Variants in PIGO observed in about 807,000 individuals in gnomAD.
The protein encoded by PIGO is phosphatidylinositol glycan anchor biosynthesis class O, also known as GPI ethanolamine phosphate transferase 3, catalytic subunit.
PIGO carries 66 observed loss-of-function variants against 86.9 expected under a neutral mutation model. The ratio of observed to expected loss-of-function variants is 0.76; its 90% CI spans 0.62 to 0.93. PIGO has a LOEUF of 0.93. Among genes scored for constraint, PIGO ranks in the 40% least tolerant of loss-of-function variants. The pLI, the probability that PIGO is intolerant of heterozygous loss-of-function variation, is 0.00. For missense variants in PIGO, 1,202 were observed against 1,359.1 expected, an observed-to-expected ratio of 0.88 and a Z score of 1.82; for synonymous variants, 570 against 556.4, an observed-to-expected ratio of 1.02 and a Z score of -0.34.
At chr9:35,089,925 T>C in intron 9 of PIGO, 141 bp downstream of exon 9, 5 of 1,440,006 alleles carry the variant, frequency 3.5e-6, no homozygotes, top group Non-Finnish European at 4.6e-6. Context: ...GAACTGCCAT[T>C]TGAGGCCACT....
rs375682284 is a variant in PIGO at position 35,095,202 on chromosome 9, G to A, written c.364C>T (p.Arg122Ter). Residue 122 changes from arginine to a stop codon, truncating the protein, a stop_gained, in exon 2 of 11, where the codon CGA (arginine) becomes TGA (stop). Transcript: ENST00000378617. LOFTEE classifies it high-confidence loss of function. Reference sequence around the variant, plus strand: ...GTGGTAGGAGGGTCAACCTGAGATCGGTAGAGCCGGGCATGGTGGGGCTGA... The same window carrying A: ...GTGGTAGGAGGGTCAACCTGAGATCAGTAGAGCCGGGCATGGTGGGGCTGA... ...EIQPHHARLY[R>*]SQVDPPTTTM... 5.6e-5 allele frequency: 91 copies of A among 1,614,072 alleles called. No individual in the cohort carries two copies. The highest frequency in any genetic ancestry group is 3.3e-4 in the Middle Eastern group (2 of 6,084).
Position 35,091,243 on chromosome 9 carries a change from G to T in PIGO, c.2644C>A (p.Pro882Thr). 1 of 1,586,548 alleles carries T rather than the reference G, an allele frequency of 6.3e-7. No homozygotes were observed. Residue 882 changes from proline (P) to threonine (T), a missense_variant, in exon 7 of 11, where the codon CCT becomes ACT. Transcript: ENST00000378617. ...LLAAGIPVTT[P>T]GPFTVPWQAV... ...GAATCAGAGCTGAGATATTTACCAGGGGTGGTGACGGGTATCCCAGCAGCA... is the reference window on the plus strand; with the variant it reads ...GAATCAGAGCTGAGATATTTACCAGTGGTGGTGACGGGTATCCCAGCAGCA...
Position 35,090,231 on chromosome 9 carries a change from C to T in PIGO, c.2904G>A (p.Gly968=). ...CTGGGGGCTGCTGTCTCTTCCGCAG[C>T]CCTTGACTCTCACACAGGAAAGGCC... is the stretch of plus-strand genomic sequence containing the variant. ...LLWPFLCESQ[G]LRKRQQPPGN... is the part of the protein sequence containing the mutation. Residue 968 remains glycine, a synonymous_variant, in exon 9 of 11, where the codon GGG becomes GGA. Coordinates refer to ENST00000378617, the MANE Select transcript of PIGO (RefSeq NM_032634.4). 9.9e-6 allele frequency: 16 copies of T among 1,614,184 alleles called. No homozygotes were observed. The highest frequency in any genetic ancestry group is 1.4e-5 in the Non-Finnish European group (16 of 1,180,032).
Position 35,089,228 on chromosome 9 carries a change from A to C in PIGO, c.3141-7T>G. 6.2e-7 allele frequency: 1 copy of C among 1,614,226 alleles called. No homozygotes were observed. Among genetic ancestry groups the C allele is most frequent in the Non-Finnish European group, 8.5e-7 (1 of 1,180,040 alleles). ...CACAGCCTCAAATATGAACCTGCAAAGAAAGGCGGAGAATCTCAGGCAACA... is the reference window on the plus strand; with the variant it reads ...CACAGCCTCAAATATGAACCTGCAACGAAAGGCGGAGAATCTCAGGCAACA... On this transcript the variant is annotated splice_polypyrimidine_tract_variant and splice_region_variant and intron_variant, in intron 10 of 10. Coordinates refer to ENST00000378617, the MANE Select transcript of PIGO (RefSeq NM_032634.4).
In PIGO at chr9:35,092,291, G is replaced by A. The variant is rs528481641; in HGVS notation, c.1596C>T (p.Gly532=). 1 of 1,614,186 alleles carries A rather than the reference G, an allele frequency of 6.2e-7. No individual in the cohort carries two copies. Among genetic ancestry groups the A allele is most frequent in the African/African-American group, 1.3e-5 (1 of 75,042 alleles). ...FLPFLWKAWA[G]WGSKRPLATL... ...TTGCCAGGGGCCTCTTGGACCCCCAGCCAGCCCAGGCTTTCCACAGAAAAG... is the reference window on the plus strand; with the variant it reads ...TTGCCAGGGGCCTCTTGGACCCCCAACCAGCCCAGGCTTTCCACAGAAAAG... The change falls in exon 7 of 11, where the codon GGC becomes GGT. Residue 532 remains glycine (G), a synonymous_variant. Transcript: ENST00000378617.
Position 35,089,039 on chromosome 9 carries a change from T to C in PIGO, c.*53A>G. 6.2e-7 allele frequency: 1 copy of C among 1,611,290 alleles called. No individual in the cohort carries two copies. The highest frequency in any genetic ancestry group is 8.5e-7 in the Non-Finnish European group (1 of 1,178,920). ...CATCCAGTACCTGTACAGGCCAGGCTACACTGTTCTCAAGCACTCTCTGTA... is the reference window on the plus strand; with the variant it reads ...CATCCAGTACCTGTACAGGCCAGGCCACACTGTTCTCAAGCACTCTCTGTA... On this transcript the variant is annotated 3_prime_UTR_variant, in exon 11 of 11. Transcript: ENST00000378617.
In PIGO at chr9:35,095,471, C is replaced by T. The variant is rs550039576; in HGVS notation, c.95G>A (p.Arg32His). 1.1e-5 allele frequency: 17 copies of T among 1,613,494 alleles called. No individual in the cohort carries two copies. The highest frequency in any genetic ancestry group is 1.4e-5 in the Non-Finnish European group (16 of 1,179,874). ...ALFTSGFLLT[R>H]LELTNHSSCQ... ...GCTGCTATGGTTGGTGAGCTCCAAA[C>T]GGGTGAGCAGGAAGCCACTGGTGAA... Residue 32 changes from arginine to histidine, a missense_variant, in exon 2 of 11, where the codon CGT becomes CAT. Transcript: ENST00000378617.
chr9:35,089,944 G>A (rs1028474477), intron 9 of PIGO, 122 bp downstream of exon 9: 1 of 1,462,724 alleles, frequency 6.8e-7, no homozygotes, highest in Non-Finnish European at 9.1e-7. Context: ...CTGGGCTTGG[G>A]CAACCACTTC....
In PIGO at chr9:35,088,973, C is replaced by G. The variant is rs541010481; in HGVS notation, c.*119G>C. On this transcript the variant is annotated 3_prime_UTR_variant, in exon 11 of 11. Transcript: ENST00000378617. ...AGTCCTAGATGTCAGCGGCCCCTGG[C>G]TGCATGATAGTAAGAGTATGGCTGA... is the stretch of plus-strand genomic sequence containing the variant. The G allele has an allele frequency of 2.1e-6, 3 of 1,398,882 alleles. No homozygotes were observed. The highest frequency in any genetic ancestry group is 2.9e-6 in the Non-Finnish European group (3 of 1,026,422). 86.7% of individuals were successfully genotyped at this position (1,398,882 alleles called of 1,614,324 possible).
intron 7 of PIGO, 67 bp downstream of exon 7, chr9:35,091,173 T>G: frequency 6.7e-7 from 1 of 1,483,654 alleles, no homozygotes; most frequent in East Asian, 2.3e-5. Context: ...CAACACCTCC[T>G]TGAAAACAAG....
chr9:35,096,237 C>G lies in PIGO; in HGVS notation c.-84G>C, dbSNP rs565988748. 2 of 152,290 alleles carry G rather than the reference C, an allele frequency of 1.3e-5. No individual in the cohort carries two copies. Among genetic ancestry groups the G allele is most frequent in the East Asian group, 3.9e-4 (2 of 5,154 alleles). The allele number at this position is 152,290 out of a possible 1,614,324, so 9.4% of individuals were successfully genotyped here. A position where few individuals can be genotyped will look rare whatever the true frequency, so the allele number is the denominator to read the frequency against. Reference sequence around the variant, plus strand: ...AGCCGCAGGGGAATCCGGGCCCAGCCGACGGCGCCGCCTGGCGGGCACCGA... The same window carrying G: ...AGCCGCAGGGGAATCCGGGCCCAGCGGACGGCGCCGCCTGGCGGGCACCGA... On this transcript the variant is annotated 5_prime_UTR_variant, in exon 1 of 11. Coordinates refer to ENST00000378617, the MANE Select transcript of PIGO (RefSeq NM_032634.4).
rs756670230 is a variant in PIGO, at chr9:35,092,539, G to A, written c.1348C>T (p.Arg450Cys). 1.8e-5 allele frequency: 29 copies of A among 1,614,198 alleles called. No individual in the cohort carries two copies. Among genetic ancestry groups the A allele is most frequent in the Middle Eastern group, 1.6e-4 (1 of 6,062 alleles). The change falls in exon 7 of 11, where the codon CGC becomes TGC. Residue 450 changes from arginine to cysteine, a missense_variant. Transcript: ENST00000378617. Reference protein sequence around the residue: ...IESWARFSLVRMAGGTALLAA... With the variant: ...IESWARFSLVCMAGGTALLAA... ...AAGAGAGCAGTACCCCCCGCCATGC[G>A]GACCAGAGAGAAACGAGCCCAAGAC...
Position 35,092,772 on chromosome 9 carries a change from C to G in PIGO, c.1120-5G>C, listed in dbSNP as rs1829493650. The G allele has an allele frequency of 6.3e-7, 1 of 1,599,160 alleles. No homozygotes were observed. On this transcript the variant is annotated splice_polypyrimidine_tract_variant and splice_region_variant and intron_variant, in intron 6 of 10. Transcript: ENST00000378617. ...GGTATGAAGAAATCGGGACACCTGG[C>G]AGAGAAAAGGTCAGAGGCCAAGGGG... is the stretch of plus-strand genomic sequence containing the variant.
Position 35,093,890 on chromosome 9 carries a change from C to A in PIGO, c.779+11G>T. The stretch of plus-strand genomic sequence containing the variant: ...ACAAACCCACTCCCCCAGCCAATAC[C>A]CCACACTCACTGGATCACCTGGTCC... On this transcript the variant is annotated intron_variant, in intron 4 of 10. Transcript: ENST00000378617. 1 of 1,613,738 alleles carries A rather than the reference C, an allele frequency of 6.2e-7. No individual in the cohort carries two copies. Among genetic ancestry groups the A allele is most frequent in the Non-Finnish European group, 8.5e-7 (1 of 1,179,834 alleles).
At position 35,095,418 on chromosome 9, in the gene PIGO, G is replaced by A; in HGVS notation, c.148C>T (p.Leu50=). Residue 50 remains leucine, a synonymous_variant, in exon 2 of 11, where the codon CTG becomes TTG. Coordinates refer to ENST00000378617, the MANE Select transcript of PIGO (RefSeq NM_032634.4). ...SCQEPPGPGS[L]PWGSQGKPGA... ...GGTTTCCCTTGGCTCCCCCATGGCA[G>A]GGACCCAGGGCCTGGGGGCTCTTGG... The A allele has an allele frequency of 6.2e-7, 1 of 1,614,132 alleles. No homozygotes were observed. The highest frequency in any genetic ancestry group is 8.5e-7 in the Non-Finnish European group (1 of 1,180,012).
rs1315191110 is a variant in PIGO, at chr9:35,095,500, G to C, written c.66C>G (p.Ala22=). Residue 22 remains alanine (A), a synonymous_variant, in exon 2 of 11, where the codon GCC becomes GCG. Transcript: ENST00000378617. The stretch of plus-strand genomic sequence containing the variant: ...TGAGCAGGAAGCCACTGGTGAAGAG[G>C]GCAATGCCAGCGTAGAAGAGGAAGC... ...WVCFLFYAGI[A]LFTSGFLLTR... is the part of the protein sequence containing the mutation. The C allele has an allele frequency of 4.3e-6, 7 of 1,611,166 alleles. No individual in the cohort carries two copies. The highest frequency in any genetic ancestry group is 5.1e-6 in the Non-Finnish European group (6 of 1,178,486).
In PIGO at chr9:35,091,239, C is replaced by A; in HGVS notation, c.2647+1G>T. 1 of 1,583,060 alleles carries A rather than the reference C, an allele frequency of 6.3e-7. No individual in the cohort carries two copies. Among genetic ancestry groups the A allele is most frequent in the Non-Finnish European group, 8.6e-7 (1 of 1,164,210 alleles). On this transcript the variant is annotated splice_donor_variant, in intron 7 of 10. Transcript: ENST00000378617. LOFTEE classifies it high-confidence loss of function. ...AAGTGAATCAGAGCTGAGATATTTACCAGGGGTGGTGACGGGTATCCCAGC... is the reference window on the plus strand; with the variant it reads ...AAGTGAATCAGAGCTGAGATATTTAACAGGGGTGGTGACGGGTATCCCAGC...
At position 35,092,753 on chromosome 9, in the gene PIGO, A is replaced by C; in HGVS notation, c.1134T>G (p.Leu378=). 1 of 1,606,366 alleles carries C rather than the reference A, an allele frequency of 6.2e-7. No homozygotes were observed. The highest frequency in any genetic ancestry group is 8.5e-7 in the Non-Finnish European group (1 of 1,177,588). The part of the protein sequence containing the change: ...HLNAQQVSRF[L]HTYSAATQDL... ...CCTGAGTAGCAGCTGAGTAGGTATG[A>C]AGAAATCGGGACACCTGGCAGAGAA... Residue 378 remains leucine, a synonymous_variant, in exon 7 of 11, where the codon CTT becomes CTG. Coordinates refer to ENST00000378617, the MANE Select transcript of PIGO (RefSeq NM_032634.4).
At position 35,092,492 on chromosome 9, in the gene PIGO, G is replaced by A; in HGVS notation, c.1395C>T (p.Cys465=). 6.2e-7 allele frequency: 1 copy of A among 1,614,234 alleles called. No individual in the cohort carries two copies. The highest frequency in any genetic ancestry group is 1.3e-5 in the African/African-American group (1 of 75,072). Residue 465 remains cysteine, a synonymous_variant, in exon 7 of 11, where the codon TGC becomes TGT. Coordinates refer to ENST00000378617, the MANE Select transcript of PIGO (RefSeq NM_032634.4). The part of the protein sequence containing the change: ...TALLAASCFI[C]LLASQWAISP... ...ATATTGCCCACTGAGATGCCAGCAG[G>A]CAGATAAAGCAGGAAGCAGCCAAGA... is the stretch of plus-strand genomic sequence containing the variant.
Sources: allele counts gnomAD v4.1 joint callset, GRCh38; gene constraint gnomAD v4.1.1; transcripts MANE v1.5; gene names NCBI Gene and HGNC (gene_info 2026-07-23, HGNC 2026-07-21).